Variants in EYS observed in about 807,000 individuals in gnomAD.
EYS encodes EGF-like photoreceptor maintenance factor, also known as protein eyes shut homolog.
EYS carries 250 observed loss-of-function variants against 282.1 expected under a neutral mutation model. The observed-to-expected ratio is 0.89, with a 90% CI of 0.80 to 0.98. EYS has a LOEUF of 0.98. EYS is among the 50% of genes least tolerant of loss of function. EYS has a pLI of 0.00. For synonymous variants in EYS, 1,355 were observed against 1,282.9 expected (o/e 1.06, Z -1.20); for missense variants, 4,016 against 3,709.0 (o/e 1.08, Z -2.15).
chr6:63,802,706 C>T (rs534975592), intron 37 of EYS, among the ~76,000 whole-genome samples: 2 of 151,654 alleles, frequency 1.3e-5, no homozygotes, highest in African/African-American at 4.8e-5. Flanking sequence ...TGAAACATCA[C>T]GTTATACCCC....
At chr6:64,492,649 G>A (rs1228987164) in intron 26 of EYS, among the ~76,000 whole-genome samples, 2 of 151,288 alleles carry the variant, frequency 1.3e-5, no homozygotes, top group African/African-American at 4.8e-5. Context: ...TGCTGGGTGT[G>A]TGGAGAAGAA....
At chr6:65,031,950 A>G (rs147791772) in intron 13 of EYS, among the ~76,000 whole-genome samples, 80 of 152,260 alleles carry the variant, frequency 5.3e-4, no homozygotes, top group African/African-American at 1.9e-3. Flanking sequence ...GTTTCTTGAA[A>G]AAATATATAA....
At chr6:65,355,186 C>T (rs1000509275) in intron 8 of EYS, among the ~76,000 whole-genome samples, 3 of 151,944 alleles carry the variant, frequency 2.0e-5, no homozygotes, top group African/African-American at 4.8e-5. Context: ...CTTAACAAAA[C>T]AATAGACAGT....
In EYS at chr6:64,590,318, TC is replaced by T; in HGVS notation, c.5548del (p.Glu1850AsnfsTer29). 1 of 1,551,210 alleles carries T rather than the reference TC, an allele frequency of 6.4e-7. No individual in the cohort carries two copies. The highest frequency in any genetic ancestry group is 2.0e-5 in the Admixed American group (1 of 50,974). On this transcript the variant is annotated frameshift_variant, in exon 26 of 43. Transcript: ENST00000503581. LOFTEE classifies it high-confidence loss of function. ...WELQPSVQYQ[E>X]FPTASRHLPF... ...AAGATGCCGGCTTGCAGTGGGAAAT[TC>T]CTGATATTGCACACTAGGCTGAAGT...
chr6:64,585,736 T>C (rs62415822), intron 26 of EYS, among the ~76,000 whole-genome samples: 14,983 of 152,142 alleles, frequency 0.098, 922 homozygotes, highest in East Asian at 0.17. Context: ...ACTACAGTTT[T>C]TATGTGTTAC....
At chr6:64,777,014 C>A (rs1773700382) in intron 22 of EYS, among the ~76,000 whole-genome samples, 1 of 152,136 alleles carries the variant, frequency 6.6e-6, no homozygotes, top group African/African-American at 2.4e-5. Context: ...GAAGGCACCT[C>A]TTCACAGGAG....
At chr6:65,538,822 G>A (rs1482905120) in intron 2 of EYS, among the ~76,000 whole-genome samples, 1 of 152,014 alleles carries the variant, frequency 6.6e-6, no homozygotes, top group Non-Finnish European at 1.5e-5. Context: ...ATCCTGCTAA[G>A]TCTCTGACCT....
chr6:65,509,585 G>A (rs1766787706), intron 2 of EYS, among the ~76,000 whole-genome samples: 1 of 151,892 alleles, frequency 6.6e-6, no homozygotes, highest in Non-Finnish European at 1.5e-5. Flanking sequence ...TGAGTGTTTA[G>A]AGTGCTTTAA....
intron 34 of EYS, among the ~76,000 whole-genome samples, chr6:63,997,362 G>C (rs535650004): frequency 5.1e-4 from 78 of 152,212 alleles, no homozygotes; most frequent in Non-Finnish European, 5.7e-4. Flanking sequence ...GTGTCTGAGA[G>C]AATCTCACCA....
Position 65,505,426 on chromosome 6 carries a change from A to G in EYS, c.-332-9433T>C, listed in dbSNP as rs116496714. On this transcript the variant is annotated intron_variant, in intron 2 of 42. Coordinates refer to ENST00000503581, the MANE Select transcript of EYS (RefSeq NM_001142800.2). ...TCTTACTGAGCTCTATTCTAATTTT[A>G]ATTATTTCTCTTCTTTTGCTTAGTT... Among the ~76,000 whole-genome samples, 1,355 of 150,840 alleles carry G rather than the reference A, an allele frequency of 9.0e-3. 8 individuals carry two copies. The highest frequency in any genetic ancestry group is 0.014 in the Middle Eastern group (4 of 294).
At chr6:64,246,199 T>C (rs1361435532) in intron 30 of EYS, among the ~76,000 whole-genome samples, 1 of 151,654 alleles carries the variant, frequency 6.6e-6, no homozygotes, top group Non-Finnish European at 1.5e-5. Context: ...CCCTCTCTTT[T>C]CTTTCTTAAT....
chr6:65,256,380 T>G (rs1767465252), intron 12 of EYS, among the ~76,000 whole-genome samples: 1 of 141,072 alleles, frequency 7.1e-6, no homozygotes, highest in Non-Finnish European at 1.5e-5. Flanking sequence ...TAACTCGTCA[T>G]CTAGCATTAG....
chr6:64,977,712 A>G (rs528290305), intron 14 of EYS, among the ~76,000 whole-genome samples: 1 of 151,664 alleles, frequency 6.6e-6, no homozygotes, highest in Non-Finnish European at 1.5e-5. Context: ...TTGCCCCTCC[A>G]GTGAACATGC....
At chr6:64,362,475 C>T (rs645053) in intron 29 of EYS, among the ~76,000 whole-genome samples, 108,817 of 151,618 alleles carry the variant, frequency 0.72, 39,251 homozygotes, top group African/African-American at 0.79. Flanking sequence ...TAAGAATAAC[C>T]GGTATTCTGA....
At chr6:65,612,110 A>G (rs766419452) in intron 2 of EYS, among the ~76,000 whole-genome samples, 1 of 151,804 alleles carries the variant, frequency 6.6e-6, no homozygotes, top group Non-Finnish European at 1.5e-5. Flanking sequence ...ATTTAGACAT[A>G]GCCAGCATTT....
At chr6:64,935,252 C>T (rs1047830244) in intron 15 of EYS, among the ~76,000 whole-genome samples, 1 of 151,562 alleles carries the variant, frequency 6.6e-6, no homozygotes, top group Non-Finnish European at 1.5e-5. Context: ...GAGAAGAAGA[C>T]ATATAGAAAA....
chr6:64,494,925 T>C (rs574156888), intron 26 of EYS, among the ~76,000 whole-genome samples: 1 of 151,812 alleles, frequency 6.6e-6, no homozygotes, highest in Non-Finnish European at 1.5e-5. Context: ...ATCTATATGA[T>C]AATACAATAA....
intron 1 of EYS, among the ~76,000 whole-genome samples, chr6:65,674,215 A>T (rs1768496498): frequency 6.6e-6 from 1 of 151,656 alleles, no homozygotes; most frequent in African/African-American, 2.4e-5. Context: ...AAGAGGTAAA[A>T]CTCTTGTTGG....
intron 36 of EYS, among the ~76,000 whole-genome samples, chr6:63,832,975 A>G (rs1464006870): frequency 6.6e-6 from 1 of 152,222 alleles, no homozygotes; most frequent in East Asian, 1.9e-4. Context: ...CCACATGACT[A>G]TGTCAATAGA....
Sources: allele counts gnomAD v4.1 joint callset (sites outside exome capture counted in the v4.1 genomes callset), GRCh38; gene constraint gnomAD v4.1.1; transcripts MANE v1.5; gene names NCBI Gene and HGNC (gene_info 2026-07-23, HGNC 2026-07-21).